The following EVL variants were observed in gnomAD, a reference collection of about 807,000 sequenced individuals.
EVL encodes ena/VASP-like protein.
A neutral mutation model predicts 59.6 loss-of-function variants in EVL; 21 were observed. The ratio of observed to expected loss-of-function variants is 0.35; its 90% CI spans 0.25 to 0.51. The LOEUF (loss-of-function observed/expected upper bound fraction) is 0.51. Ranked by LOEUF, EVL falls within the 20% of genes least tolerant of loss-of-function variation. EVL has a pLI of 0.97. For synonymous variants in EVL, 198 were observed against 203.5 expected (o/e 0.97, Z 0.23); for missense variants, 462 against 546.6 (o/e 0.85, Z 1.54).
intron 1 of EVL, among the ~76,000 whole-genome samples, chr14:99,992,780 G>C (rs2060884174): frequency 6.6e-6 from 1 of 152,084 alleles, no homozygotes; most frequent in Non-Finnish European, 1.5e-5. Flanking sequence ...TGATCTTAGG[G>C]GAAAATCTTT....
At chr14:100,133,659 C>T (rs1888585616) in intron 8 of EVL, among the ~76,000 whole-genome samples, 1 of 152,234 alleles carries the variant, frequency 6.6e-6, no homozygotes, top group Non-Finnish European at 1.5e-5. Flanking sequence ...AGCCTCCCGG[C>T]CGGCTCAACA....
intron 1 of EVL, among the ~76,000 whole-genome samples, chr14:100,082,406 G>A (rs2062331262): frequency 6.6e-6 from 1 of 152,136 alleles, no homozygotes; most frequent in South Asian, 2.1e-4. Flanking sequence ...TTGTCGTGTG[G>A]CTGATGGAAG....
chr14:100,067,046 G>C (rs1239340098), intron 1 of EVL, among the ~76,000 whole-genome samples: 1 of 152,214 alleles, frequency 6.6e-6, no homozygotes, highest in East Asian at 1.9e-4. Context: ...GTGTGGAGCA[G>C]AATTTGTGTA....
At chr14:100,019,739 A>G in intron 1 of EVL, 1 of 1,512,684 alleles carries the variant, frequency 6.6e-7, no homozygotes, top group East Asian at 2.5e-5. Context: ...TGTTCTCGCT[A>G]GGTTTTTGCT....
At chr14:100,051,465 CCTT>C (rs1406418320) in intron 1 of EVL, among the ~76,000 whole-genome samples, 1 of 152,174 alleles carries the variant, frequency 6.6e-6, no homozygotes, top group Non-Finnish European at 1.5e-5. Flanking sequence ...AATCTCTTTT[CCTT>C]CTTAAATTCT....
At chr14:100,022,232 A>G (rs2061137983) in intron 1 of EVL, among the ~76,000 whole-genome samples, 3 of 150,994 alleles carry the variant, frequency 2.0e-5, no homozygotes, top group Admixed American at 2.0e-4. Flanking sequence ...GCTCCTCCAC[A>G]CATCCCCAGC....
intron 1 of EVL, among the ~76,000 whole-genome samples, chr14:100,026,386 G>A (rs2061212902): frequency 1.3e-5 from 2 of 152,020 alleles, no homozygotes; most frequent in African/African-American, 4.8e-5. Flanking sequence ...AGCTGTTAAG[G>A]GAATCAGTCA....
intron 11 of EVL, 124 bp from the exon 12 acceptor site, chr14:100,141,054 CTG>C (rs1889134002): frequency 1.2e-6 from 1 of 832,490 alleles, no homozygotes; most frequent in Admixed American, 2.7e-5. Context: ...TGGCCAGAGT[CTG>C]AAGCAAGCAG....
chr14:100,034,561 G>A (rs903443933), intron 1 of EVL, among the ~76,000 whole-genome samples: 1 of 130,696 alleles, frequency 7.7e-6, no homozygotes, highest in African/African-American at 2.5e-5. Context: ...ACCAGAGCAA[G>A]ACCCTGTCTC....
chr14:100,068,949 T>G (rs1865387005), intron 1 of EVL, among the ~76,000 whole-genome samples: 1 of 152,188 alleles, frequency 6.6e-6, no homozygotes, highest in Non-Finnish European at 1.5e-5. Flanking sequence ...TTTCCTTCCC[T>G]GGTCTCTCTG....
chr14:100,123,600 A>G lies in EVL; in HGVS notation c.420A>G (p.Arg140=). The G allele has an allele frequency of 1.2e-6, 2 of 1,614,082 alleles. No homozygotes were observed. The highest frequency in any genetic ancestry group is 1.7e-6 in the Non-Finnish European group (2 of 1,179,974). ...GPSPDEMDIQ[R]RQVMEQHQQQ... is the part of the protein sequence containing the mutation. Reference sequence around the variant, plus strand: ...CTCCTGATGAGATGGACATCCAGAGAAGGTAACCCAGCACCCGCAGGGGCC... The same window carrying G: ...CTCCTGATGAGATGGACATCCAGAGGAGGTAACCCAGCACCCGCAGGGGCC... Residue 140 remains arginine, a splice_region_variant and synonymous_variant, in exon 4 of 14, where the codon AGA becomes AGG. Coordinates refer to ENST00000392920, the MANE Select transcript of EVL (RefSeq NM_016337.3).
chr14:100,029,920 G>A (rs1168782604), intron 1 of EVL, among the ~76,000 whole-genome samples: 1 of 152,112 alleles, frequency 6.6e-6, no homozygotes, highest in Non-Finnish European at 1.5e-5. Flanking sequence ...CACCTCTGGG[G>A]AATAAGTAGT....
At chr14:100,042,085 T>C (rs1398838462) in intron 1 of EVL, among the ~76,000 whole-genome samples, 8 of 152,256 alleles carry the variant, frequency 5.3e-5, no homozygotes, top group African/African-American at 1.7e-4. Context: ...TTTAAACTAC[T>C]GTATCCATAA....
At chr14:100,082,348 T>C (rs1406902424) in intron 1 of EVL, among the ~76,000 whole-genome samples, 1 of 152,148 alleles carries the variant, frequency 6.6e-6, no homozygotes, top group African/African-American at 2.4e-5. Flanking sequence ...TGCCCAGTTT[T>C]AGGACCCAGA....
intron 1 of EVL, among the ~76,000 whole-genome samples, chr14:100,046,724 C>T (rs1472182307): frequency 6.7e-6 from 1 of 148,782 alleles, no homozygotes; most frequent in Non-Finnish European, 1.5e-5. Flanking sequence ...CTGGGCTAAA[C>T]GTCAGGAGGG....
At chr14:100,021,281 G>A (rs1057218526) in intron 1 of EVL, among the ~76,000 whole-genome samples, 2 of 152,148 alleles carry the variant, frequency 1.3e-5, no homozygotes, top group African/African-American at 4.8e-5. Flanking sequence ...GTCAAGAGCT[G>A]GGTCTGATGA....
At chr14:100,131,986 C>G (rs1449597645) in intron 7 of EVL, among the ~76,000 whole-genome samples, 1 of 152,154 alleles carries the variant, frequency 6.6e-6, no homozygotes, top group East Asian at 1.9e-4. Context: ...CTCAGACCAG[C>G]TCCATGCTTG....
chr14:100,038,488 C>T (rs1182328030), intron 1 of EVL, among the ~76,000 whole-genome samples: 1 of 152,202 alleles, frequency 6.6e-6, no homozygotes, highest in Non-Finnish European at 1.5e-5. Context: ...GTCTGGACAG[C>T]CAGGGCTCTT....
At chr14:100,112,263 G>T (rs1324759070) in intron 3 of EVL, among the ~76,000 whole-genome samples, 1 of 152,148 alleles carries the variant, frequency 6.6e-6, no homozygotes, top group Non-Finnish European at 1.5e-5. Context: ...AGTGTTTGAG[G>T]CCCTGCCCCC....
Sources: allele counts gnomAD v4.1 joint callset (sites outside exome capture counted in the v4.1 genomes callset), GRCh38; gene constraint gnomAD v4.1.1; transcripts MANE v1.5; gene names NCBI Gene and HGNC (gene_info 2026-07-23, HGNC 2026-07-21).